The following IGF2BP2 variants were observed in gnomAD, a reference collection of about 807,000 sequenced individuals.
IGF2BP2 encodes the protein insulin-like growth factor 2 mRNA-binding protein 2.
A neutral mutation model predicts 75.8 loss-of-function variants in IGF2BP2; 17 were observed. That is an observed-to-expected ratio of 0.22 (90% CI 0.15 to 0.34). The LOEUF is 0.34. Ranked by LOEUF, IGF2BP2 falls within the 10% of genes least tolerant of loss-of-function variation. The probability of loss-of-function intolerance (pLI) is 1.00; values close to 1 mark genes in which losing one functional copy is unlikely to be tolerated. For missense variants in IGF2BP2, 516 were observed against 772.4 expected (o/e 0.67, Z 3.93); for synonymous variants, 288 against 295.6 (o/e 0.97, Z 0.26).
chr3:185,717,302 T>C (rs960545512), intron 2 of IGF2BP2: 7 of 167,366 alleles, frequency 4.2e-5, no homozygotes, highest in African/African-American at 1.7e-4. Context: ...TGGGGCCAGA[T>C]GGCCTCTTCC....
intron 2 of IGF2BP2, among the ~76,000 whole-genome samples, chr3:185,819,914 T>C (rs571013188): frequency 1.3e-5 from 2 of 152,138 alleles, no homozygotes; most frequent in African/African-American, 2.4e-5. Context: ...CAAAATACAA[T>C]TGAGATACTG....
chr3:185,777,915 A>G (rs1203608908), intron 2 of IGF2BP2, among the ~76,000 whole-genome samples: 1 of 152,026 alleles, frequency 6.6e-6, no homozygotes, highest in African/African-American at 2.4e-5. Flanking sequence ...ACAGTGATGC[A>G]CATCTGTAAT....
intron 6 of IGF2BP2, among the ~76,000 whole-genome samples, chr3:185,687,761 C>T (rs1721350994): frequency 6.6e-6 from 1 of 152,210 alleles, no homozygotes; most frequent in African/African-American, 2.4e-5. Flanking sequence ...TATCAGACTT[C>T]TTTGGGTAGT....
intron 2 of IGF2BP2, 114 bp from the exon 3 acceptor site, chr3:185,698,461 T>A: frequency 8.8e-6 from 8 of 912,996 alleles, no homozygotes; most frequent in Non-Finnish European, 1.4e-5. Context: ...GTGTTCACCA[T>A]GGCATCAACA....
intron 2 of IGF2BP2, among the ~76,000 whole-genome samples, chr3:185,742,319 C>A (rs976596897): frequency 2.0e-5 from 3 of 151,962 alleles, no homozygotes; most frequent in African/African-American, 7.3e-5. Context: ...CATGGTGAAA[C>A]CCCATCTCTA....
Position 185,689,467 on chromosome 3 carries a change from C to A in IGF2BP2, c.565G>T (p.Ala189Ser), listed in dbSNP as rs762790441. Reference protein sequence around the residue: ...QGHAPGGTSQARQIDFPLRIL... With the variant: ...QGHAPGGTSQSRQIDFPLRIL... ...CGCAGCGGGAAATCAATCTGTCTGG[C>A]CTGAGAAGTGCCCCCAGGGGCGTGG... The change falls in exon 6 of 16, where the codon GCC (alanine) becomes TCC (serine). Residue 189 changes from alanine (A) to serine (S), a missense_variant. Around this residue, in one of 3 missense-constraint regions of IGF2BP2, gnomAD observed 312 missense variants for 474.5 expected, o/e 0.66. Transcript: ENST00000382199. 4.3e-6 allele frequency: 7 copies of A among 1,613,632 alleles called. No homozygotes were observed. The highest frequency in any genetic ancestry group is 4.5e-5 in the East Asian group (2 of 44,856).
chr3:185,799,417 A>G (rs1737880071), intron 2 of IGF2BP2, among the ~76,000 whole-genome samples: 1 of 151,896 alleles, frequency 6.6e-6, no homozygotes, highest in African/African-American at 2.4e-5. Context: ...AACCACAATG[A>G]CATACCATCT....
intron 2 of IGF2BP2, among the ~76,000 whole-genome samples, chr3:185,713,931 C>T (rs778206619): frequency 1.3e-5 from 2 of 152,204 alleles, no homozygotes; most frequent in Non-Finnish European, 2.9e-5. Context: ...GAACTCCTGA[C>T]CTCAGGTGAT....
intron 13 of IGF2BP2, among the ~76,000 whole-genome samples, chr3:185,650,828 T>C (rs1173114785): frequency 6.6e-6 from 1 of 152,246 alleles, no homozygotes; most frequent in Non-Finnish European, 1.5e-5. Flanking sequence ...ACTCCTCCTA[T>C]TCTCTGGCAA....
rs1472507928 is a variant in IGF2BP2, at chr3:185,647,686, C to T, written c.1594-548G>A. Among the ~76,000 whole-genome samples, 7 of 152,198 alleles carry T rather than the reference C, an allele frequency of 4.6e-5. No homozygotes were observed. Among genetic ancestry groups the T allele is most frequent in the Non-Finnish European group, 1.0e-4 (7 of 68,030 alleles). The stretch of plus-strand genomic sequence containing the variant: ...CCCGGCCACTGGATCCCACCCCAGG[C>T]CCACCTCCATGAAGCCTCCAGCCCA... On this transcript the variant is annotated intron_variant, in intron 14 of 15. Transcript: ENST00000382199. This position sits in a 1 kb window ranked among gnomAD's most constrained non-coding sequence, Gnocchi z 4.9.
At position 185,702,117 on chromosome 3, in the gene IGF2BP2, G is replaced by C. The variant is rs530640690; in HGVS notation, c.240-3770C>G. Among the ~76,000 whole-genome samples, 216 of 152,250 alleles carry C rather than the reference G, an allele frequency of 1.4e-3. 1 individual carries two copies. The highest frequency in any genetic ancestry group is 5.1e-3 in the African/African-American group (211 of 41,540). The stretch of plus-strand genomic sequence containing the variant: ...CTTCGCCATAATTACTTATCTGCTA[G>C]TGCTGTGTCCCCTCAACCCCCGCGG... On this transcript the variant is annotated intron_variant, in intron 2 of 15. Transcript: ENST00000382199.
intron 2 of IGF2BP2, chr3:185,724,444 G>A (rs1000567804): frequency 3.9e-5 from 6 of 152,214 alleles, no homozygotes; most frequent in Admixed American, 2.6e-4. Flanking sequence ...TTTTTGCCCT[G>A]GTAGAGGTGG....
intron 2 of IGF2BP2, among the ~76,000 whole-genome samples, chr3:185,786,409 T>C (rs1735894433): frequency 6.6e-6 from 1 of 152,132 alleles, no homozygotes; most frequent in Non-Finnish European, 1.5e-5. Context: ...GAAGTGAAAA[T>C]GGCCGGTTCC....
At chr3:185,654,465 C>T (rs771519819) in intron 12 of IGF2BP2, among the ~76,000 whole-genome samples, 4 of 152,194 alleles carry the variant, frequency 2.6e-5, no homozygotes, top group Non-Finnish European at 5.9e-5. Context: ...CCGAGAAGGG[C>T]GAATGGCTGA....
chr3:185,787,736 A>T (rs1736095199), intron 2 of IGF2BP2, among the ~76,000 whole-genome samples: 2 of 152,158 alleles, frequency 1.3e-5, no homozygotes, highest in African/African-American at 4.8e-5. Context: ...CTGTCTCAAA[A>T]AAAAAAAACA....
intron 2 of IGF2BP2, among the ~76,000 whole-genome samples, chr3:185,740,130 G>A (rs1380799904): frequency 2.0e-5 from 3 of 152,062 alleles, no homozygotes; most frequent in African/African-American, 4.8e-5. Context: ...TTAAAGGTGT[G>A]AGCCACCATA....
At chr3:185,723,792 G>C (rs1431512480) in intron 2 of IGF2BP2, among the ~76,000 whole-genome samples, 1 of 152,172 alleles carries the variant, frequency 6.6e-6, no homozygotes, top group African/African-American at 2.4e-5. Flanking sequence ...GCATACGATG[G>C]GAGCTCAGAG....
intron 7 of IGF2BP2, among the ~76,000 whole-genome samples, chr3:185,680,669 C>A (rs768643176): frequency 3.5e-4 from 53 of 152,088 alleles, no homozygotes; most frequent in Non-Finnish European, 6.0e-4. Context: ...GGGAGCTGGG[C>A]GCAGTGGCTT....
chr3:185,748,148 C>T lies in IGF2BP2; in HGVS notation c.240-49801G>A, dbSNP rs544304669. 3.3e-5 allele frequency among the ~76,000 whole-genome samples: 5 copies of T among 152,304 alleles called. No homozygotes were observed. In the East Asian group the frequency reaches 9.6e-4, roughly 29 times the overall value. ...CTCGATCTCCTGACCTTGTGATCCA[C>T]CCGCCTCAGCCTCCCAAAGTGCTGG... On this transcript the variant is annotated intron_variant, in intron 2 of 15. Coordinates refer to ENST00000382199, the MANE Select transcript of IGF2BP2 (RefSeq NM_006548.6).
Sources: gnomAD v4.1 joint callset for allele counts (sites outside exome capture counted in the v4.1 genomes callset) on GRCh38, gnomAD v4.1.1 for gene constraint, gnomAD v4.1.1 regional missense constraint, Gnocchi (gnomAD v3.1) non-coding constraint, MANE v1.5 for transcripts, NCBI Gene and HGNC (gene_info 2026-07-23, HGNC 2026-07-21) for gene names.